The following PDGFC variants were observed in gnomAD, a reference collection of about 807,000 sequenced individuals.
PDGFC encodes the protein platelet derived growth factor C, also known as platelet-derived growth factor C.
PDGFC carries 12 observed loss-of-function variants against 35.5 expected under a neutral mutation model. The observed-to-expected ratio is 0.34, with a 90% confidence interval of 0.22 to 0.55. The LOEUF (loss-of-function observed/expected upper bound fraction) is 0.55, where lower values mean the gene tolerates loss of function less well. Among genes scored for constraint, PDGFC ranks in the 20% least tolerant of loss-of-function variants. PDGFC has a pLI of 0.91. For synonymous variants in PDGFC, 159 were observed against 148.8 expected (o/e 1.07, Z -0.50); for missense variants, 322 against 412.4 (o/e 0.78, Z 1.90).
chr4:156,895,140 T>C (rs186909068), intron 1 of PDGFC, among the ~76,000 whole-genome samples: 18 of 152,302 alleles, frequency 1.2e-4, no homozygotes, highest in Non-Finnish European at 2.2e-4. Context: ...TAAGTTACTG[T>C]TCAGACATCC....
At chr4:156,818,375 T>C (rs1236224209) in intron 2 of PDGFC, among the ~76,000 whole-genome samples, 1 of 152,006 alleles carries the variant, frequency 6.6e-6, no homozygotes, top group Admixed American at 6.6e-5. Flanking sequence ...AACTCAGCAA[T>C]GGAGCTGTTT....
At chr4:156,904,622 C>T (rs1409460004) in intron 1 of PDGFC, among the ~76,000 whole-genome samples, 1 of 152,038 alleles carries the variant, frequency 6.6e-6, no homozygotes, top group Non-Finnish European at 1.5e-5. Flanking sequence ...GAGAATTTCA[C>T]CATCAAGTGT....
chr4:156,780,236 T>A (rs1208103038), intron 3 of PDGFC, among the ~76,000 whole-genome samples: 1 of 151,918 alleles, frequency 6.6e-6, no homozygotes, highest in Non-Finnish European at 1.5e-5. Context: ...TCGCAGGAAT[T>A]TTTTTCCTAA....
chr4:156,763,814 C>T (rs1280305378), intron 5 of PDGFC, among the ~76,000 whole-genome samples: 1 of 152,184 alleles, frequency 6.6e-6, no homozygotes, highest in Admixed American at 6.5e-5. Context: ...CTGGATCCTA[C>T]TGTGCAGTGA....
intron 1 of PDGFC, among the ~76,000 whole-genome samples, chr4:156,924,939 G>C (rs917132286): frequency 2.0e-4 from 30 of 152,186 alleles, no homozygotes; most frequent in Non-Finnish European, 1.2e-4. Context: ...AAGAAATACA[G>C]GTGCTGGCAG....
chr4:156,845,111 A>G (rs1057264936), intron 2 of PDGFC, among the ~76,000 whole-genome samples: 1 of 151,900 alleles, frequency 6.6e-6, no homozygotes, highest in African/African-American at 2.4e-5. Context: ...ACTCATATAT[A>G]TATGAAAATT....
At chr4:156,778,770 T>G (rs532508024) in intron 3 of PDGFC, among the ~76,000 whole-genome samples, 1 of 152,180 alleles carries the variant, frequency 6.6e-6, no homozygotes, top group Non-Finnish European at 1.5e-5. Context: ...AATACACACA[T>G]ATAAATGTTT....
intron 3 of PDGFC, chr4:156,774,401 TCATC>T (rs1234266102): frequency 6.6e-6 from 1 of 152,196 alleles, no homozygotes; most frequent in Non-Finnish European, 1.5e-5. Context: ...AAAATCCAAT[TCATC>T]CATGAAACCT....
intron 1 of PDGFC, among the ~76,000 whole-genome samples, chr4:156,913,137 C>T (rs1387170515): frequency 6.6e-6 from 1 of 152,070 alleles, no homozygotes; most frequent in Non-Finnish European, 1.5e-5. Flanking sequence ...GATATACATA[C>T]CCTTCGCATC....
Position 156,825,590 on chromosome 4 carries a change from T to TAAGAAGAAG in PDGFC, c.315-14574_315-14573insCTTCTTCTT, listed in dbSNP as rs1238405953. On this transcript the variant is annotated intron_variant, in intron 2 of 5. Transcript: ENST00000502773. ...ATAATAATAATAATAATAATAATAA[T>TAAGAAGAAG]AATAAGAAGAAGAAGAAGAAGAAGA... 9.4e-3 allele frequency among the ~76,000 whole-genome samples: 737 copies of TAAGAAGAAG among 78,190 alleles called. 4 individuals carry two copies. Among genetic ancestry groups the TAAGAAGAAG allele is most frequent in the Middle Eastern group, 0.012 (2 of 162 alleles). The allele number at this position is 78,190 out of a possible 152,430, so 51.3% of individuals were successfully genotyped here. A position where few individuals can be genotyped will look rare whatever the true frequency, so the allele number is the denominator to read the frequency against.
rs1376467959 is a variant in PDGFC, at chr4:156,951,035, G to GTATTTT, written c.118+19745_118+19750dup. Among the ~76,000 whole-genome samples, 3 of 151,802 alleles carry GTATTTT rather than the reference G, an allele frequency of 2.0e-5. No individual in the cohort carries two copies. The East Asian group carries it at 5.8e-4, about 29-fold the overall frequency. ...ATATATACTTCTCTTTCACCTCACT[G>GTATTTT]TATTTTTATCTCCAGAGGTAGATGC... On this transcript the variant is annotated intron_variant, in intron 1 of 5. Transcript: ENST00000502773.
At chr4:156,851,800 G>A (rs1484338751) in intron 1 of PDGFC, among the ~76,000 whole-genome samples, 4 of 151,514 alleles carry the variant, frequency 2.6e-5, no homozygotes, top group Non-Finnish European at 4.4e-5. Context: ...GTGCAGGGGC[G>A]GGCGCCTGTA....
chr4:156,949,861 A>C (rs757425577), intron 1 of PDGFC, among the ~76,000 whole-genome samples: 7 of 151,938 alleles, frequency 4.6e-5, no homozygotes, highest in Non-Finnish European at 8.8e-5. Context: ...GTCCTGGCAG[A>C]AGCTGTTAAG....
In PDGFC at chr4:156,970,922, A is replaced by G. The variant is rs375076930; in HGVS notation, c.-19T>C. 3.3e-6 allele frequency: 5 copies of G among 1,535,334 alleles called. No homozygotes were observed. Among genetic ancestry groups the G allele is most frequent in the Middle Eastern group, 1.7e-4 (1 of 5,906 alleles). ...GGCTCATTTGGCTGACTGGGGTGAG[A>G]GCTCACTCACGGCGGGCACTTTGGA... On this transcript the variant is annotated 5_prime_UTR_variant, in exon 1 of 6. Coordinates refer to ENST00000502773, the MANE Select transcript of PDGFC (RefSeq NM_016205.3).
chr4:156,795,223 C>T (rs1272021700), intron 3 of PDGFC, among the ~76,000 whole-genome samples: 11 of 152,000 alleles, frequency 7.2e-5, no homozygotes, highest in African/African-American at 2.2e-4. Context: ...AAAATTTAGA[C>T]GAATGCCTTG....
chr4:156,821,196 T>TGTGTGTGAGAGA, intron 2 of PDGFC, among the ~76,000 whole-genome samples: 1 of 106,256 alleles, frequency 9.4e-6, no homozygotes, highest in African/African-American at 3.4e-5. Context: ...TGTGTGTGTA[T>TGTGTGTGAGAGA]GTGTGTGTGT....
At chr4:156,893,833 T>C (rs948866854) in intron 1 of PDGFC, among the ~76,000 whole-genome samples, 6 of 152,200 alleles carry the variant, frequency 3.9e-5, no homozygotes, top group Non-Finnish European at 7.3e-5. Flanking sequence ...ACGAATTTTA[T>C]AGACATATTA....
At chr4:156,786,487 T>C (rs114836047) in intron 3 of PDGFC, among the ~76,000 whole-genome samples, 169 of 152,276 alleles carry the variant, frequency 1.1e-3, no homozygotes, top group African/African-American at 3.9e-3. Context: ...GAATATGGAA[T>C]ATCAGGGCAA....
intron 4 of PDGFC, among the ~76,000 whole-genome samples, chr4:156,769,940 CT>C (rs1446781417): frequency 6.6e-6 from 1 of 151,982 alleles, no homozygotes; most frequent in Non-Finnish European, 1.5e-5. Context: ...AAGAATTATA[CT>C]TCTTTAGAAT....
Sources: allele counts gnomAD v4.1 joint callset (sites outside exome capture counted in the v4.1 genomes callset), GRCh38; gene constraint gnomAD v4.1.1; transcripts MANE v1.5; gene names NCBI Gene and HGNC (gene_info 2026-07-23, HGNC 2026-07-21).